The following LIMD1 variants were observed in gnomAD, a reference collection of about 807,000 sequenced individuals.
The protein encoded by LIMD1 is LIM domain-containing protein 1.
LIMD1 carries 23 observed loss-of-function variants against 58.4 expected under a neutral mutation model. The observed-to-expected ratio is 0.39, with a 90% CI of 0.28 to 0.56. The LOEUF (loss-of-function observed/expected upper bound fraction) is 0.56. LIMD1 is among the 20% of genes least tolerant of loss of function. LIMD1 has a pLI of 0.57. For synonymous variants in LIMD1, 334 were observed against 345.5 expected, an observed-to-expected ratio of 0.97 and a Z score of 0.37; for missense variants, 838 against 855.5, an observed-to-expected ratio of 0.98 and a Z score of 0.25.
chr3:45,638,886 T>C (rs1053442155), intron 2 of LIMD1, among the ~76,000 whole-genome samples: 9 of 152,340 alleles, frequency 5.9e-5, no homozygotes, highest in Non-Finnish European at 1.2e-4. Context: ...TGGAGGTTTG[T>C]TTTGTTTTGA....
At chr3:45,605,388 T>C (rs2125649031) in intron 1 of LIMD1, among the ~76,000 whole-genome samples, 1 of 152,368 alleles carries the variant, frequency 6.6e-6, no homozygotes, top group South Asian at 2.1e-4. Flanking sequence ...TGGTAATCAT[T>C]TTTACTTTAG....
intron 2 of LIMD1, among the ~76,000 whole-genome samples, chr3:45,660,159 C>CAGA (rs1697410492): frequency 6.6e-6 from 1 of 152,198 alleles, no homozygotes; most frequent in African/African-American, 2.4e-5. Context: ...TACATTGGAT[C>CAGA]AGAAGCCTAA....
intron 1 of LIMD1, 153 bp from the exon 2 acceptor site, chr3:45,635,997 G>A: frequency 1.0e-6 from 1 of 985,292 alleles, no homozygotes; most frequent in Non-Finnish European, 1.2e-6. Context: ...AGAGGGAGAG[G>A]GAGAGAAAGA....
chr3:45,633,056 T>C (rs1001457057), intron 1 of LIMD1, among the ~76,000 whole-genome samples: 1 of 152,218 alleles, frequency 6.6e-6, no homozygotes. Context: ...CTAAGTTGTA[T>C]ATAAAAATCA....
chr3:45,635,666 G>A (rs1280846873), intron 1 of LIMD1, among the ~76,000 whole-genome samples: 2 of 149,796 alleles, frequency 1.3e-5, no homozygotes, highest in Admixed American at 6.7e-5. Context: ...AGGAGGCCGA[G>A]GCGGGAGGAT....
At chr3:45,597,347 C>A (rs1701368128) in intron 1 of LIMD1, among the ~76,000 whole-genome samples, 1 of 152,170 alleles carries the variant, frequency 6.6e-6, no homozygotes. Context: ...GCCTCCTAAC[C>A]CAGCCTACAC....
chr3:45,618,224 G>A (rs1182225209), intron 1 of LIMD1, among the ~76,000 whole-genome samples: 1 of 152,186 alleles, frequency 6.6e-6, no homozygotes, highest in African/African-American at 2.4e-5. Context: ...GGAGCAGGGA[G>A]CTGTGAGAAG....
intron 4 of LIMD1, among the ~76,000 whole-genome samples, chr3:45,671,377 C>T (rs1338715633): frequency 6.6e-6 from 1 of 152,202 alleles, no homozygotes; most frequent in Admixed American, 6.5e-5. Flanking sequence ...CAAGGCTTCC[C>T]CAAATCCAAA....
At position 45,672,853 on chromosome 3, in the gene LIMD1, C is replaced by T. The variant is rs550314923; in HGVS notation, c.1772+33C>T. 4.3e-5 allele frequency: 69 copies of T among 1,611,106 alleles called. 1 individual carries two copies. In the Admixed American group the frequency reaches 9.3e-4, roughly 22 times the overall value. ...GGGATGGGAGCAGACAGGACCCATT[C>T]GTGTAGGCCAAGCTGATCTCAGCAG... is the stretch of plus-strand genomic sequence containing the variant. On this transcript the variant is annotated intron_variant, in intron 5 of 7. Transcript: ENST00000273317.
At chr3:45,654,917 T>C (rs1391986651) in intron 2 of LIMD1, among the ~76,000 whole-genome samples, 2 of 143,228 alleles carry the variant, frequency 1.4e-5, no homozygotes, top group Admixed American at 1.4e-4. Context: ...CATTTATCAG[T>C]CAATTTTTTT....
intron 1 of LIMD1, 111 bp from the exon 2 acceptor site, chr3:45,636,039 G>T: frequency 6.4e-7 from 1 of 1,561,376 alleles, no homozygotes; most frequent in African/African-American, 1.4e-5. Flanking sequence ...TGGATTTGGT[G>T]GTGGGCTGGC....
At chr3:45,656,169 T>C (rs886682020) in intron 2 of LIMD1, among the ~76,000 whole-genome samples, 1 of 152,198 alleles carries the variant, frequency 6.6e-6, no homozygotes, top group Non-Finnish European at 1.5e-5. Flanking sequence ...CTGACCCTAC[T>C]AGCACCCTGA....
At chr3:45,622,872 T>C (rs183276331) in intron 1 of LIMD1, among the ~76,000 whole-genome samples, 2 of 152,262 alleles carry the variant, frequency 1.3e-5, no homozygotes, top group East Asian at 3.9e-4. Context: ...TTCACCATGT[T>C]GGCCAGGCTG....
chr3:45,627,725 A>G (rs911910478), intron 1 of LIMD1, among the ~76,000 whole-genome samples: 3 of 149,846 alleles, frequency 2.0e-5, no homozygotes, highest in Non-Finnish European at 4.5e-5. Flanking sequence ...AAAAAAAAAA[A>G]GGCCAGGTGC....
chr3:45,655,236 A>G (rs185551769), intron 2 of LIMD1, among the ~76,000 whole-genome samples: 13 of 152,310 alleles, frequency 8.5e-5, no homozygotes, highest in African/African-American at 2.9e-4. Context: ...TCAATATTTT[A>G]TAAACGGCTG....
At chr3:45,630,098 C>T (rs1338306815) in intron 1 of LIMD1, among the ~76,000 whole-genome samples, 1 of 152,160 alleles carries the variant, frequency 6.6e-6, no homozygotes, top group East Asian at 1.9e-4. Flanking sequence ...TCCCTTATTC[C>T]TCTCACTTCC....
At position 45,668,493 on chromosome 3, in the gene LIMD1, G is replaced by A. The variant is rs549590228; in HGVS notation, c.1641+137G>A. The A allele has an allele frequency of 1.2e-4, 78 of 636,000 alleles. 1 individual carries two copies. In the South Asian group the frequency reaches 1.5e-3, roughly 12 times the overall value. The allele number at this position is 636,000 out of a possible 1,614,324, so 39.4% of individuals were successfully genotyped here. A position where few individuals can be genotyped will look rare whatever the true frequency, so the allele number is the denominator to read the frequency against. ...CAGCTGGGCGCAGTGGCTCATGCCT[G>A]TAATCCCAGCACTTTGGGAGGCCGA... On this transcript the variant is annotated intron_variant, in intron 4 of 7. Coordinates refer to ENST00000273317, the MANE Select transcript of LIMD1 (RefSeq NM_014240.3).
Position 45,596,863 on chromosome 3 carries a change from C to CTT in LIMD1, c.1408+591_1408+592dup, listed in dbSNP as rs1244008902. Among the ~76,000 whole-genome samples, 606 of 136,040 alleles carry CTT rather than the reference C, an allele frequency of 4.5e-3. 5 individuals are homozygous for CTT. The highest frequency in any genetic ancestry group is 7.5e-3 in the Middle Eastern group (2 of 268). 89.2% of individuals were successfully genotyped at this position (136,040 alleles called of 152,430 possible). A position where few individuals can be genotyped will look rare whatever the true frequency, so the allele number is the denominator to read the frequency against. ...ATGAAAGACTTGTAGAGCAGTGGAT[C>CTT]TTTTTTTTTTTTTTTTGAGATGGAG... On this transcript the variant is annotated intron_variant, in intron 1 of 7. Transcript: ENST00000273317.
chr3:45,650,631 T>G (rs1176339057), intron 2 of LIMD1, among the ~76,000 whole-genome samples: 1 of 152,020 alleles, frequency 6.6e-6, no homozygotes, highest in East Asian at 1.9e-4. Context: ...AATGATGGTT[T>G]CCAGCTTCAT....
Sources: allele counts gnomAD v4.1 joint callset (sites outside exome capture counted in the v4.1 genomes callset), GRCh38; gene constraint gnomAD v4.1.1; transcripts MANE v1.5; gene names NCBI Gene and HGNC (gene_info 2026-07-23, HGNC 2026-07-21).